Variants in DOCK1 observed in about 807,000 individuals in gnomAD.
DOCK1 encodes dedicator of cytokinesis protein 1.
Under a neutral mutation model 262.7 loss-of-function variants are expected in DOCK1, and 138 were observed. The ratio of observed to expected loss-of-function variants is 0.53; its 90% CI spans 0.46 to 0.61. DOCK1 has a LOEUF of 0.61. DOCK1 is among the 20% of genes least tolerant of loss of function. The pLI, the probability that DOCK1 is intolerant of heterozygous loss-of-function variation, is 0.00. For synonymous variants in DOCK1, 866 were observed against 867.4 expected (o/e 1.00, Z 0.03); for missense variants, 1,908 against 2,370.7 (o/e 0.80, Z 4.05).
intron 27 of DOCK1, among the ~76,000 whole-genome samples, chr10:127,226,998 G>GT (rs1221296186): frequency 6.6e-6 from 1 of 152,138 alleles, no homozygotes; most frequent in Non-Finnish European, 1.5e-5. Context: ...ACCATGTTGC[G>GT]TATTTTCTTC....
intron 37 of DOCK1, among the ~76,000 whole-genome samples, chr10:127,382,810 T>A (rs1461748411): frequency 6.6e-6 from 1 of 152,236 alleles, no homozygotes; most frequent in African/African-American, 2.4e-5. Context: ...AACATATATA[T>A]GTGCATAAAG....
intron 46 of DOCK1, among the ~76,000 whole-genome samples, chr10:127,422,158 C>CTTTTTTTTTTTT (rs35535729): frequency 4.9e-5 from 3 of 61,384 alleles, no homozygotes; most frequent in Non-Finnish European, 8.7e-5. Context: ...TTTTGTTTGT[C>CTTTTTTTTTTTT]TTTTTTTTTT....
At chr10:127,034,786 A>T (rs1037187003) in intron 18 of DOCK1, among the ~76,000 whole-genome samples, 2 of 152,140 alleles carry the variant, frequency 1.3e-5, no homozygotes, top group East Asian at 1.9e-4. Flanking sequence ...ATCTTTCCCC[A>T]TTCAAAGCAA....
chr10:126,946,544 T>TA (rs1422952142), intron 1 of DOCK1, among the ~76,000 whole-genome samples: 1 of 152,032 alleles, frequency 6.6e-6, no homozygotes, highest in Non-Finnish European at 1.5e-5. Flanking sequence ...AGACTTCATC[T>TA]AAAAAAAGAA....
chr10:127,373,916 A>C, intron 34 of DOCK1, 50 bp downstream of exon 34: 5 of 1,565,988 alleles, frequency 3.2e-6, no homozygotes, highest in Non-Finnish European at 4.3e-6. Flanking sequence ...ACAGAGACAG[A>C]GAGACCGTAA....
intron 13 of DOCK1, among the ~76,000 whole-genome samples, chr10:127,022,007 G>A (rs1449963453): frequency 6.6e-6 from 1 of 152,180 alleles, no homozygotes; most frequent in Non-Finnish European, 1.5e-5. Flanking sequence ...CAGAGGAGCA[G>A]TGGCTGGGAA....
chr10:126,905,661 C>A, intron 1 of DOCK1, 98 bp downstream of exon 1: 1 of 174,208 alleles, frequency 5.7e-6, no homozygotes, highest in South Asian at 1.8e-4. Flanking sequence ...GAGCGGCCGC[C>A]GGGCCGGGGA....
intron 29 of DOCK1, among the ~76,000 whole-genome samples, chr10:127,330,452 G>A (rs2135657484): frequency 6.6e-6 from 1 of 152,164 alleles, no homozygotes; most frequent in East Asian, 1.9e-4. Context: ...ATGAGGGTGT[G>A]GAGAAATTGG....
intron 29 of DOCK1, among the ~76,000 whole-genome samples, chr10:127,323,612 C>G (rs932645025): frequency 6.6e-6 from 1 of 152,182 alleles, no homozygotes; most frequent in Non-Finnish European, 1.5e-5. Flanking sequence ...ACCACATGGC[C>G]ACTGATCCGT....
At chr10:126,939,008 C>T (rs989561207) in intron 1 of DOCK1, among the ~76,000 whole-genome samples, 51 of 114,394 alleles carry the variant, frequency 4.5e-4, no homozygotes, top group South Asian at 1.8e-3. Context: ...GGACGAACAC[C>T]GGAGGGGATG....
At chr10:127,054,155 CAGA>C (rs1251631071) in intron 22 of DOCK1, among the ~76,000 whole-genome samples, 5 of 152,134 alleles carry the variant, frequency 3.3e-5, no homozygotes, top group Non-Finnish European at 5.9e-5. Flanking sequence ...CAGTCGTGTC[CAGA>C]AGAAGGACTC....
At chr10:127,376,874 A>G (rs2065524564) in intron 35 of DOCK1, among the ~76,000 whole-genome samples, 1 of 152,222 alleles carries the variant, frequency 6.6e-6, no homozygotes, top group African/African-American at 2.4e-5. Flanking sequence ...ATGGGCTCTT[A>G]CTACCTGAAT....
intron 2 of DOCK1, among the ~76,000 whole-genome samples, chr10:126,976,412 G>A (rs2038546497): frequency 6.6e-6 from 1 of 152,104 alleles, no homozygotes; most frequent in Admixed American, 6.5e-5. Flanking sequence ...CCTCTTTTCT[G>A]GATATGCAGA....
chr10:127,256,714 A>T (rs1042630582), intron 28 of DOCK1, among the ~76,000 whole-genome samples: 1 of 152,138 alleles, frequency 6.6e-6, no homozygotes. Context: ...GCTTCTTTTC[A>T]GTTGCCCTGC....
chr10:127,357,093 GCC>G (rs2064185209), intron 32 of DOCK1, among the ~76,000 whole-genome samples: 1 of 151,980 alleles, frequency 6.6e-6, no homozygotes, highest in Non-Finnish European at 1.5e-5. Context: ...ACTCACCCTG[GCC>G]CCTGAGCACC....
chr10:126,925,728 G>C (rs1379763151), intron 1 of DOCK1, among the ~76,000 whole-genome samples: 3 of 34,248 alleles, frequency 8.8e-5, no homozygotes, highest in Non-Finnish European at 1.4e-4. Flanking sequence ...CAGAGTCTGT[G>C]TGTGTGTGTG....
chr10:127,002,196 G>T (rs1365524790), intron 10 of DOCK1, among the ~76,000 whole-genome samples: 1 of 151,904 alleles, frequency 6.6e-6, no homozygotes, highest in Non-Finnish European at 1.5e-5. Context: ...TTTGTCTCAG[G>T]CATAATTGGC....
At chr10:127,258,202 C>T (rs543030962) in intron 29 of DOCK1, among the ~76,000 whole-genome samples, 4 of 152,104 alleles carry the variant, frequency 2.6e-5, no homozygotes, top group South Asian at 2.1e-4. Flanking sequence ...CATGCATATA[C>T]TGTGGACTCC....
chr10:127,410,475 G>T (rs1178188687), intron 42 of DOCK1, among the ~76,000 whole-genome samples: 1 of 152,194 alleles, frequency 6.6e-6, no homozygotes, highest in Non-Finnish European at 1.5e-5. Flanking sequence ...TCTGTGCTTT[G>T]TAGATCTGAA....
Sources: gnomAD v4.1 joint callset for allele counts (sites outside exome capture counted in the v4.1 genomes callset) on GRCh38, gnomAD v4.1.1 for gene constraint, MANE v1.5 for transcripts, NCBI Gene and HGNC (gene_info 2026-07-23, HGNC 2026-07-21) for gene names.